The following MTUS2 variants were observed in gnomAD, a reference collection of about 807,000 sequenced individuals.
The protein encoded by MTUS2 is microtubule associated scaffold protein 2.
MTUS2 carries 40 observed loss-of-function variants against 114.1 expected under a neutral mutation model. That is an observed-to-expected ratio of 0.35 (90% CI 0.27 to 0.46). MTUS2 has a LOEUF of 0.46. Ranked by LOEUF, MTUS2 falls within the 20% of genes least tolerant of loss-of-function variation. The pLI is 1.00. For synonymous variants in MTUS2, 688 were observed against 672.0 expected (o/e 1.02, Z -0.37); for missense variants, 1,679 against 1,705.4 (o/e 0.98, Z 0.27).
At chr13:29,428,911 C>A in intron 8 of MTUS2, 1 of 1,612,426 alleles carries the variant, frequency 6.2e-7, no homozygotes, top group South Asian at 1.1e-5. Context: ...TTTGCCTTCC[C>A]TCTCTCTTCT....
intron 4 of MTUS2, among the ~76,000 whole-genome samples, chr13:29,071,141 A>G (rs1047677406): frequency 1.3e-5 from 2 of 151,096 alleles, no homozygotes; most frequent in African/African-American, 4.9e-5. Context: ...AGTAGCTGGG[A>G]CTACAGGTGT....
At chr13:29,142,442 G>A (rs997180461) in intron 5 of MTUS2, among the ~76,000 whole-genome samples, 6 of 152,146 alleles carry the variant, frequency 3.9e-5, no homozygotes, top group Non-Finnish European at 5.9e-5. Flanking sequence ...GGTGGCTCAC[G>A]CCTATAATCC....
chr13:29,050,119 C>T (rs1887821578), intron 4 of MTUS2, among the ~76,000 whole-genome samples: 1 of 152,146 alleles, frequency 6.6e-6, no homozygotes, highest in African/African-American at 2.4e-5. Context: ...CTCTCCTTAC[C>T]TACACACAAC....
intron 3 of MTUS2, among the ~76,000 whole-genome samples, chr13:29,029,789 A>G (rs556845225): frequency 6.6e-6 from 1 of 152,274 alleles, no homozygotes; most frequent in East Asian, 1.9e-4. Context: ...AGGAGGTGCC[A>G]GGCCTCTCTT....
chr13:28,885,305 G>A (rs1429867798), intron 2 of MTUS2, among the ~76,000 whole-genome samples: 1 of 152,196 alleles, frequency 6.6e-6, no homozygotes. Flanking sequence ...GAGGTCAGCA[G>A]GGAGGAGTGG....
intron 5 of MTUS2, among the ~76,000 whole-genome samples, chr13:29,220,412 C>T (rs1489522706): frequency 6.6e-6 from 1 of 152,216 alleles, no homozygotes; most frequent in African/African-American, 2.4e-5. Context: ...ACATGCTTTC[C>T]TCACTAAGCT....
intron 8 of MTUS2, among the ~76,000 whole-genome samples, chr13:29,401,111 C>T (rs954981108): frequency 6.6e-6 from 1 of 152,286 alleles, no homozygotes; most frequent in South Asian, 2.1e-4. Context: ...CCTCATCCTC[C>T]TGAATACCTG....
chr13:29,336,135 C>T (rs1901051430), intron 7 of MTUS2, among the ~76,000 whole-genome samples: 1 of 152,192 alleles, frequency 6.6e-6, no homozygotes, highest in Non-Finnish European at 1.5e-5. Context: ...CTGAAGCCTA[C>T]TTCTGTCAGT....
chr13:28,843,603 G>A (rs1875656027), intron 2 of MTUS2, among the ~76,000 whole-genome samples: 1 of 152,194 alleles, frequency 6.6e-6, no homozygotes, highest in African/African-American at 2.4e-5. Context: ...AATGTCACAT[G>A]GGCAATTCTC....
At chr13:29,066,340 G>A (rs1336052159) in intron 4 of MTUS2, among the ~76,000 whole-genome samples, 1 of 152,186 alleles carries the variant, frequency 6.6e-6, no homozygotes, top group African/African-American at 2.4e-5. Flanking sequence ...TGATAACAAA[G>A]GGATTTAAAA....
At position 29,014,079 on chromosome 13, in the gene MTUS2, A is replaced by C. The variant is rs375375063; in HGVS notation, c.-242-10378A>C. Reference sequence around the variant, plus strand: ...GTTTTAAGCCATTCGATGCTCAGTAAATCAGGTCCATCTCAGAGCCGTTGT... The same window carrying C: ...GTTTTAAGCCATTCGATGCTCAGTACATCAGGTCCATCTCAGAGCCGTTGT... On this transcript the variant is annotated intron_variant, in intron 2 of 15. Coordinates refer to ENST00000612955, the MANE Select transcript of MTUS2 (RefSeq NM_001033602.4). Among the ~76,000 whole-genome samples, 35 of 152,236 alleles carry C rather than the reference A, an allele frequency of 2.3e-4. 1 individual carries two copies. In the East Asian group the frequency reaches 4.8e-3, roughly 21 times the overall value.
chr13:28,985,743 G>C (rs1884556251), intron 2 of MTUS2, among the ~76,000 whole-genome samples: 1 of 152,102 alleles, frequency 6.6e-6, no homozygotes, highest in South Asian at 2.1e-4. Flanking sequence ...TTTTGGATGA[G>C]ATTAACATTT....
At chr13:29,077,043 A>C (rs898933042) in intron 4 of MTUS2, among the ~76,000 whole-genome samples, 2 of 152,214 alleles carry the variant, frequency 1.3e-5, no homozygotes, top group African/African-American at 4.8e-5. Flanking sequence ...GAGAAAACTG[A>C]AATTCAAAGA....
chr13:29,236,838 G>A (rs1896553858), intron 5 of MTUS2, among the ~76,000 whole-genome samples: 1 of 152,156 alleles, frequency 6.6e-6, no homozygotes, highest in Non-Finnish European at 1.5e-5. Flanking sequence ...CAGACCTATG[G>A]ATCTATTTTT....
rs1315382695 is a variant in MTUS2 at position 29,100,851 on chromosome 13, C to T, written c.2525C>T (p.Ser842Leu). Residue 842 changes from serine to leucine, a missense_variant, in exon 5 of 16, where the codon TCA (serine) becomes TTA (leucine). Ser to Leu is a moderately radical substitution (Grantham distance 145). This residue lies in a region of MTUS2 where 822 missense variants were observed against 899.7 expected (regional missense o/e 0.91). Transcript: ENST00000612955. ...PKSGLRPPGY[S>L]RLPAAKLAAF... ...TCTGGTCTCCGTCCTCCCGGATACT[C>T]ACGTCTCCCGGCAGCCAAACTGGCG... The T allele has an allele frequency of 6.4e-7, 1 of 1,552,662 alleles. No homozygotes were observed. The highest frequency in any genetic ancestry group is 8.7e-7 in the Non-Finnish European group (1 of 1,147,518).
chr13:29,202,471 A>C (rs1261986468), intron 5 of MTUS2, among the ~76,000 whole-genome samples: 1 of 151,978 alleles, frequency 6.6e-6, no homozygotes, highest in Non-Finnish European at 1.5e-5. Flanking sequence ...AGCTCATAGG[A>C]CATTGGTATT....
At chr13:28,954,127 A>G (rs1251736886) in intron 2 of MTUS2, among the ~76,000 whole-genome samples, 10 of 152,242 alleles carry the variant, frequency 6.6e-5, no homozygotes, top group African/African-American at 2.2e-4. Context: ...TAAAAATTTC[A>G]GGGGAAAAAA....
At chr13:29,139,867 G>T (rs112116984) in intron 5 of MTUS2, among the ~76,000 whole-genome samples, 47 of 152,276 alleles carry the variant, frequency 3.1e-4, no homozygotes, top group African/African-American at 1.0e-3. Flanking sequence ...GGGCAAAGAG[G>T]AATAACTATC....
chr13:28,862,835 T>C lies in MTUS2; in HGVS notation c.-243+22985T>C, dbSNP rs554429847. Among the ~76,000 whole-genome samples, 12 of 152,314 alleles carry C rather than the reference T, an allele frequency of 7.9e-5. No individual in the cohort carries two copies. The South Asian group carries it at 2.5e-3, about 32-fold the overall frequency. ...TAGAATAAAAATTTTATATACAAAA[T>C]GACTTCAATTAAACATGTATGAAAA... On this transcript the variant is annotated intron_variant, in intron 2 of 15. Coordinates refer to ENST00000612955, the MANE Select transcript of MTUS2 (RefSeq NM_001033602.4).
Sources: gnomAD v4.1 joint callset for allele counts (sites outside exome capture counted in the v4.1 genomes callset) on GRCh38, gnomAD v4.1.1 for gene constraint, gnomAD v4.1.1 regional missense constraint, MANE v1.5 for transcripts, NCBI Gene and HGNC (gene_info 2026-07-23, HGNC 2026-07-21) for gene names.